CEP126: variants seen among roughly 807,000 people sequenced by gnomAD.
CEP126 encodes the protein centrosomal protein of 126 kDa.
CEP126 carries 74 observed loss-of-function variants against 107.8 expected under a neutral mutation model. The ratio of observed to expected loss-of-function variants is 0.69; its 90% CI spans 0.57 to 0.83. CEP126 has a LOEUF of 0.83. Among genes scored for constraint, CEP126 ranks in the 40% least tolerant of loss-of-function variants. The pLI is 0.00. For missense variants in CEP126, 1,237 were observed against 1,281.9 expected (o/e 0.96, Z 0.53); for synonymous variants, 449 against 446.0 (o/e 1.01, Z -0.08).
At chr11:101,982,399 T>C (rs1941266644) in intron 8 of CEP126, among the ~76,000 whole-genome samples, 1 of 152,222 alleles carries the variant, frequency 6.6e-6, no homozygotes, top group South Asian at 2.1e-4. Context: ...CAGTGGTGTA[T>C]GTCAACTTGA....
chr11:101,924,756 G>GT lies in CEP126; in HGVS notation c.248+2006dup, dbSNP rs1243576633. Reference sequence around the variant, plus strand: ...GTGCTGGGATTATAGGTGGTTTTGGGTTTTTTTTTTAAATAGTATTTTCTT... The same window carrying GT: ...GTGCTGGGATTATAGGTGGTTTTGGGTTTTTTTTTTTAAATAGTATTTTCTT... On this transcript the variant is annotated intron_variant, in intron 2 of 10. Transcript: ENST00000263468. Among the ~76,000 whole-genome samples, 44 of 148,802 alleles carry GT rather than the reference G, an allele frequency of 3.0e-4. No homozygotes were observed. The East Asian group carries it at 3.9e-3, about 13-fold the overall frequency.
At position 101,999,282 on chromosome 11, in the gene CEP126, C is replaced by G. The variant is rs1941479662; in HGVS notation, c.*1639C>G. 2 of 150,716 alleles carry G rather than the reference C, an allele frequency of 1.3e-5. No individual in the cohort carries two copies. Among genetic ancestry groups the G allele is most frequent in the South Asian group, 4.2e-4 (2 of 4,780 alleles). The allele number at this position is 150,716 out of a possible 1,614,324, so 9.3% of individuals were successfully genotyped here. A position where few individuals can be genotyped will look rare whatever the true frequency, so the allele number is the denominator to read the frequency against. On this transcript the variant is annotated 3_prime_UTR_variant, in exon 11 of 11. Coordinates refer to ENST00000263468, the MANE Select transcript of CEP126 (RefSeq NM_020802.4). ...TGTTTGTGAATCATTCCAAGCACCT[C>G]AGATGAAAACTCACTTTTATTAAAA...
rs1009626331 is a variant in CEP126, at chr11:101,976,743, T to C, written c.2846-1604T>C. Among the ~76,000 whole-genome samples the C allele has an allele frequency of 3.3e-5, 5 of 152,198 alleles. No homozygotes were observed. The East Asian group carries it at 9.6e-4, about 29-fold the overall frequency. ...TTTTATTTGGTAACCTACTACTACC[T>C]TTTTTGTTTTTTAAGCAGGCTCAGA... On this transcript the variant is annotated intron_variant, in intron 6 of 10. Transcript: ENST00000263468.
Position 101,997,634 on chromosome 11 carries a change from C to T in CEP126, c.3345C>T (p.Asp1115=), listed in dbSNP as rs1292213189. Residue 1115 remains aspartate (D), a synonymous_variant, in exon 11 of 11, where the codon GAC becomes GAT. Transcript: ENST00000263468. Reference sequence around the variant, plus strand: ...AAGATAGAACCAGCAGCTGCAGAGACAAGAGATAATTCCAGCAGAATCCGT... The same window carrying T: ...AAGATAGAACCAGCAGCTGCAGAGATAAGAGATAATTCCAGCAGAATCCGT... ...KREDRTSSCR[D]KR 2 of 1,613,666 alleles carry T rather than the reference C, an allele frequency of 1.2e-6. No individual in the cohort carries two copies. Among genetic ancestry groups the T allele is most frequent in the African/African-American group, 2.7e-5 (2 of 75,034 alleles).
rs182553260 is a variant in CEP126 at position 101,946,729 on chromosome 11, G to A, written c.395-1302G>A. On this transcript the variant is annotated intron_variant, in intron 3 of 10. Transcript: ENST00000263468. ...ACAAAAGTTAGCCAGGCATGGTGGC[G>A]GTTGCCTGTAATCCCAACTACTAGG... 2.0e-4 allele frequency among the ~76,000 whole-genome samples: 30 copies of A among 151,770 alleles called. No individual in the cohort carries two copies. The East Asian group carries it at 3.9e-3, about 20-fold the overall frequency.
chr11:101,934,977 C>T (rs1940554681), intron 2 of CEP126, among the ~76,000 whole-genome samples: 1 of 151,970 alleles, frequency 6.6e-6, no homozygotes, highest in East Asian at 1.9e-4. Flanking sequence ...AGATGTCAAA[C>T]AGTTTTCCAA....
At chr11:101,969,810 G>T (rs987796715) in intron 6 of CEP126, among the ~76,000 whole-genome samples, 9 of 152,110 alleles carry the variant, frequency 5.9e-5, no homozygotes, top group Non-Finnish European at 1.2e-4. Context: ...TTAAACACTT[G>T]ATTTTTGGCA....
At chr11:101,926,424 A>G (rs1157864622) in intron 2 of CEP126, among the ~76,000 whole-genome samples, 1 of 152,244 alleles carries the variant, frequency 6.6e-6, no homozygotes, top group African/African-American at 2.4e-5. Context: ...AGGAAGTTAC[A>G]GTGTTGATAG....
intron 9 of CEP126, among the ~76,000 whole-genome samples, chr11:101,990,356 C>T (rs1447742465): frequency 6.6e-6 from 1 of 152,160 alleles, no homozygotes; most frequent in East Asian, 1.9e-4. Context: ...GAATAAAGGC[C>T]ATCTGGGACA....
At chr11:101,942,916 T>C (rs1262143928) in intron 2 of CEP126, among the ~76,000 whole-genome samples, 2 of 152,122 alleles carry the variant, frequency 1.3e-5, no homozygotes, top group Admixed American at 6.5e-5. Context: ...TGTTCATTGT[T>C]AAGTGTATAG....
intron 2 of CEP126, among the ~76,000 whole-genome samples, chr11:101,939,779 G>A (rs1940639972): frequency 6.6e-6 from 1 of 152,116 alleles, no homozygotes; most frequent in South Asian, 2.1e-4. Context: ...TACTTTAATA[G>A]GGGAAGGCTT....
At position 101,958,294 on chromosome 11, in the gene CEP126, CA is replaced by C. The variant is rs780948967; in HGVS notation, c.638del (p.Asn213MetfsTer19). The C allele has an allele frequency of 2.5e-6, 4 of 1,613,832 alleles. No homozygotes were observed. Among genetic ancestry groups the C allele is most frequent in the Admixed American group, 3.3e-5 (2 of 59,990 alleles). On this transcript the variant is annotated frameshift_variant, in exon 5 of 11. Transcript: ENST00000263468. LOFTEE classifies it high-confidence loss of function. The stretch of plus-strand genomic sequence containing the variant: ...ACATGAGGGCAACCTTGGCTACTAG[CA>C]AAAATGTGTTCCAGCTTAAACTGGA... ...ENMRATLATS[K>X]NVFQLKLEET...
rs9633927 is a variant in CEP126, at chr11:102,000,125, G to A, written c.*2482G>A. 8,480 of 152,074 alleles carry A rather than the reference G, an allele frequency of 0.056. 466 individuals are homozygous for A. Among genetic ancestry groups the A allele is most frequent in the East Asian group, 0.26 (1,358 of 5,150 alleles). The allele number at this position is 152,074 out of a possible 1,614,324, so 9.4% of individuals were successfully genotyped here. On this transcript the variant is annotated 3_prime_UTR_variant, in exon 11 of 11. Coordinates refer to ENST00000263468, the MANE Select transcript of CEP126 (RefSeq NM_020802.4). ...ACCCAGGAGGTAGAGGTTGCAGTGA[G>A]CTGAGATTGCACCACTGCACCAGCC...
rs186925811 is a variant in CEP126 at position 101,937,220 on chromosome 11, T to C, written c.249-7045T>C. Reference sequence around the variant, plus strand: ...GTCTCAGTCAACCACGTGGACAATCTGCGGTTGTTTGGTCATCACCACCAT... The same window carrying C: ...GTCTCAGTCAACCACGTGGACAATCCGCGGTTGTTTGGTCATCACCACCAT... On this transcript the variant is annotated intron_variant, in intron 2 of 10. Coordinates refer to ENST00000263468, the MANE Select transcript of CEP126 (RefSeq NM_020802.4). 2.8e-3 allele frequency among the ~76,000 whole-genome samples: 434 copies of C among 152,364 alleles called. 2 individuals are homozygous for C. The highest frequency in any genetic ancestry group is 5.1e-3 in the Non-Finnish European group (348 of 68,022).
intron 4 of CEP126, chr11:101,956,827 T>C: frequency 2.4e-6 from 1 of 420,578 alleles, no homozygotes. Flanking sequence ...CTCCTTTTAT[T>C]CCTATCCACC....
At position 101,962,508 on chromosome 11, in the gene CEP126, T is replaced by C; in HGVS notation, c.1473T>C (p.Ser491=). The change falls in exon 6 of 11, where the codon TCT becomes TCC. Residue 491 remains serine (S), a synonymous_variant. Coordinates refer to ENST00000263468, the MANE Select transcript of CEP126 (RefSeq NM_020802.4). The part of the protein sequence containing the change: ...HIKEIDAVQC[S]DKLDELKDGK... ...AAGAAATTGATGCAGTGCAGTGTTC[T>C]GATAAGTTAGATGAATTGAAAGATG... The C allele has an allele frequency of 6.2e-7, 1 of 1,613,360 alleles. No homozygotes were observed. The highest frequency in any genetic ancestry group is 8.5e-7 in the Non-Finnish European group (1 of 1,179,754).
intron 6 of CEP126, among the ~76,000 whole-genome samples, chr11:101,971,688 C>T (rs1446717893): frequency 1.2e-4 from 18 of 152,106 alleles, no homozygotes; most frequent in Admixed American, 1.2e-3. Flanking sequence ...TGGTGCCTGG[C>T]ATACTTTTTA....
At chr11:101,938,798 C>A (rs1940628261) in intron 2 of CEP126, among the ~76,000 whole-genome samples, 1 of 151,786 alleles carries the variant, frequency 6.6e-6, no homozygotes, top group African/African-American at 2.4e-5. Context: ...ATTTTTTTTA[C>A]TTCTCTTTAG....
chr11:101,996,769 A>G (rs893008986), intron 10 of CEP126, among the ~76,000 whole-genome samples: 2 of 152,152 alleles, frequency 1.3e-5, no homozygotes, highest in East Asian at 3.9e-4. Context: ...AGAGGGAGAG[A>G]AAAAACTGGA....
Sources: allele counts gnomAD v4.1 joint callset (sites outside exome capture counted in the v4.1 genomes callset), GRCh38; gene constraint gnomAD v4.1.1; transcripts MANE v1.5; gene names NCBI Gene and HGNC (gene_info 2026-07-23, HGNC 2026-07-21).